The following ARID1B variants were observed in gnomAD, a reference collection of about 807,000 sequenced individuals.
The protein encoded by ARID1B is AT-rich interaction domain 1B, also known as AT-rich interactive domain-containing protein 1B.
In ARID1B, 30 loss-of-function variants were observed where a neutral mutation model predicts 212.3. That is an observed-to-expected ratio of 0.14 (90% CI 0.11 to 0.19). The LOEUF is 0.19. Ranked by LOEUF, ARID1B falls within the 10% of genes least tolerant of loss-of-function variation. The pLI, the probability that ARID1B is intolerant of heterozygous loss-of-function variation, is 1.00. For missense variants in ARID1B, 2,891 were observed against 3,204.0 expected, an observed-to-expected ratio of 0.90 and a Z score of 2.36; for synonymous variants, 1,402 against 1,301.7, an observed-to-expected ratio of 1.08 and a Z score of -1.66.
chr6:156,976,544 C>G (rs1360216748), intron 4 of ARID1B: 3 of 207,836 alleles, frequency 1.4e-5, no homozygotes, highest in South Asian at 6.7e-5. Flanking sequence ...GAAAAAAGAA[C>G]CACTCTCAGT....
At chr6:157,000,548 G>A (rs1437183443) in intron 4 of ARID1B, among the ~76,000 whole-genome samples, 3 of 152,064 alleles carry the variant, frequency 2.0e-5, no homozygotes, top group African/African-American at 7.2e-5. Flanking sequence ...AATTTCACAT[G>A]TAATTATTTA....
chr6:157,145,218 T>G (rs1789638287), intron 7 of ARID1B, among the ~76,000 whole-genome samples: 1 of 152,134 alleles, frequency 6.6e-6, no homozygotes. Context: ...AGCAGTTTAT[T>G]AGCTTGTCCC....
chr6:156,923,704 CTT>C (rs775655637), intron 3 of ARID1B, among the ~76,000 whole-genome samples: 65 of 139,904 alleles, frequency 4.6e-4, no homozygotes, highest in Non-Finnish European at 3.6e-4. Context: ...AGTTGATTCT[CTT>C]TTTTTTTTTT....
chr6:157,193,777 G>A (rs1480734647), intron 15 of ARID1B: 1 of 152,224 alleles, frequency 6.6e-6, no homozygotes, highest in East Asian at 1.9e-4. Context: ...TCACTTGCTG[G>A]AGCCCTCTTA....
intron 16 of ARID1B, among the ~76,000 whole-genome samples, chr6:157,198,158 C>T (rs1412412791): frequency 1.3e-5 from 2 of 152,084 alleles, no homozygotes; most frequent in African/African-American, 4.8e-5. Context: ...ATGTATTATT[C>T]ATTTCCATTT....
At chr6:157,106,982 G>C (rs756632876) in intron 5 of ARID1B, among the ~76,000 whole-genome samples, 3 of 152,132 alleles carry the variant, frequency 2.0e-5, no homozygotes, top group Admixed American at 6.5e-5. Context: ...GGTTTGAGGA[G>C]GCATAGGATT....
chr6:156,866,947 G>C (rs538111020), intron 2 of ARID1B, among the ~76,000 whole-genome samples: 28 of 152,294 alleles, frequency 1.8e-4, no homozygotes, highest in South Asian at 2.1e-4. Context: ...TTTATTTTCT[G>C]TACAGACATA....
At chr6:157,186,390 G>A (rs866078415) in intron 13 of ARID1B, 1 of 470,318 alleles carries the variant, frequency 2.1e-6, no homozygotes, top group Non-Finnish European at 4.4e-6. Flanking sequence ...TGACACAGGA[G>A]GCAGTGGAAG....
intron 4 of ARID1B, among the ~76,000 whole-genome samples, chr6:156,971,473 A>T (rs922374658): frequency 7.9e-5 from 12 of 152,226 alleles, no homozygotes; most frequent in African/African-American, 2.2e-4. Flanking sequence ...CTAACTAGAT[A>T]CATTAGACAA....
chr6:156,851,556 G>A (rs1378304669), intron 2 of ARID1B, among the ~76,000 whole-genome samples: 2 of 152,102 alleles, frequency 1.3e-5, no homozygotes, highest in African/African-American at 4.8e-5. Flanking sequence ...TTCAGACCTG[G>A]CCTGTCTTTC....
At chr6:157,004,618 C>G (rs980418246) in intron 4 of ARID1B, among the ~76,000 whole-genome samples, 17 of 152,070 alleles carry the variant, frequency 1.1e-4, no homozygotes, top group South Asian at 1.0e-3. Context: ...AGAACTCCCC[C>G]CAAAATGATA....
chr6:156,928,424 C>A (rs1791416866), intron 3 of ARID1B, among the ~76,000 whole-genome samples: 1 of 152,136 alleles, frequency 6.6e-6, no homozygotes, highest in Non-Finnish European at 1.5e-5. Flanking sequence ...CATTTGGGTG[C>A]TCTCCTTCGG....
chr6:156,944,874 G>C (rs1792948990), intron 4 of ARID1B, among the ~76,000 whole-genome samples: 1 of 151,652 alleles, frequency 6.6e-6, no homozygotes, highest in Non-Finnish European at 1.5e-5. Flanking sequence ...CCTGGAGAAT[G>C]CCTCCTGCAT....
chr6:156,998,624 C>T (rs1778742008), intron 4 of ARID1B, among the ~76,000 whole-genome samples: 1 of 152,196 alleles, frequency 6.6e-6, no homozygotes, highest in Non-Finnish European at 1.5e-5. Context: ...CGACAGCAGC[C>T]TCACACCAGT....
At chr6:157,049,779 CAA>C (rs894831485) in intron 4 of ARID1B, among the ~76,000 whole-genome samples, 8 of 152,110 alleles carry the variant, frequency 5.3e-5, no homozygotes, top group African/African-American at 1.9e-4. Context: ...TAATTTCAAA[CAA>C]ATTTTCGAAA....
chr6:157,025,295 G>A (rs1780587830), intron 4 of ARID1B, among the ~76,000 whole-genome samples: 1 of 152,242 alleles, frequency 6.6e-6, no homozygotes, highest in Admixed American at 6.5e-5. Context: ...ATAGGATATT[G>A]TTTGAATTCA....
intron 1 of ARID1B, among the ~76,000 whole-genome samples, chr6:156,802,974 C>T (rs1357029212): frequency 6.6e-6 from 1 of 152,116 alleles, no homozygotes; most frequent in Non-Finnish European, 1.5e-5. Context: ...GCTAATGCAG[C>T]TGATTATACT....
At chr6:157,014,060 G>A (rs1420948681) in intron 4 of ARID1B, among the ~76,000 whole-genome samples, 1 of 152,120 alleles carries the variant, frequency 6.6e-6, no homozygotes, top group African/African-American at 2.4e-5. Context: ...TTCTTTGGGG[G>A]ACAAAAGAAA....
intron 1 of ARID1B, among the ~76,000 whole-genome samples, chr6:156,795,898 T>G (rs908347908): frequency 1.3e-5 from 2 of 152,136 alleles, no homozygotes; most frequent in African/African-American, 4.8e-5. Context: ...TCAGTTTAGC[T>G]CATAACCTTG....
Sources: gnomAD v4.1 joint callset for allele counts (sites outside exome capture counted in the v4.1 genomes callset) on GRCh38, gnomAD v4.1.1 for gene constraint, MANE v1.5 for transcripts, NCBI Gene and HGNC (gene_info 2026-07-23, HGNC 2026-07-21) for gene names.